Variants in GRIN2B observed in about 807,000 individuals in gnomAD.
GRIN2B encodes the protein glutamate receptor ionotropic, NMDA 2B.
Under a neutral mutation model 114.5 loss-of-function variants are expected in GRIN2B, and 5 were observed. The observed-to-expected ratio is 0.04, with a 90% CI of 0.02 to 0.09. The LOEUF is 0.09. Ranked by LOEUF, GRIN2B falls within the 10% of genes least tolerant of loss-of-function variation. The probability of loss-of-function intolerance (pLI) is 1.00; values close to 1 mark genes in which losing one functional copy is unlikely to be tolerated. For synonymous variants in GRIN2B, 787 were observed against 745.1 expected, an observed-to-expected ratio of 1.06 and a Z score of -0.92; for missense variants, 1,108 against 1,943.5, an observed-to-expected ratio of 0.57 and a Z score of 8.08.
In GRIN2B at chr12:13,563,029, G is replaced by C. The variant is rs1221144851; in HGVS notation, c.4209C>G (p.Ser1403=). 1.1e-5 allele frequency: 18 copies of C among 1,614,018 alleles called. No homozygotes were observed. Among genetic ancestry groups the C allele is most frequent in the Non-Finnish European group, 1.4e-5 (16 of 1,179,872 alleles). Residue 1403 remains serine (S), a synonymous_variant, in exon 14 of 14, where the codon TCC becomes TCG. Transcript: ENST00000609686. Reference sequence around the variant, plus strand: ...CCACCGTGGGCTGCCTGAAGAAGTAGGATTTGCTGCCATGGAGCAAGCACT... The same window carrying C: ...CCACCGTGGGCTGCCTGAAGAAGTACGATTTGCTGCCATGGAGCAAGCACT... ...DDQCLLHGSK[S]YFFRQPTVAG...
At chr12:13,625,791 A>AT (rs1402153820) in intron 5 of GRIN2B, among the ~76,000 whole-genome samples, 1 of 152,204 alleles carries the variant, frequency 6.6e-6, no homozygotes, top group Non-Finnish European at 1.5e-5. Flanking sequence ...AGGAATAAAA[A>AT]TGCCAGTACC....
intron 4 of GRIN2B, among the ~76,000 whole-genome samples, chr12:13,727,247 T>C (rs1241587409): frequency 1.1e-4 from 16 of 152,306 alleles, no homozygotes; most frequent in Admixed American, 1.0e-3. Flanking sequence ...GGGTGTGGAC[T>C]GCCATGCAAG....
chr12:13,942,731 T>C (rs1013540458), intron 2 of GRIN2B, among the ~76,000 whole-genome samples: 3 of 152,156 alleles, frequency 2.0e-5, no homozygotes, highest in African/African-American at 7.2e-5. Flanking sequence ...TTCAAATTAG[T>C]GGGAGTTTAG....
In GRIN2B at chr12:13,894,486, G is replaced by C. The variant is rs78837858; in HGVS notation, c.-18-28260C>G. Among the ~76,000 whole-genome samples, 577 of 152,110 alleles carry C rather than the reference G, an allele frequency of 3.8e-3. 2 individuals are homozygous for C. The highest frequency in any genetic ancestry group is 0.014 in the Middle Eastern group (4 of 294). ...AATTTTAAAAAGAGCACCAAAAAACGGTGTGATTTCATCTATTTTAAAATG... is the reference window on the plus strand; with the variant it reads ...AATTTTAAAAAGAGCACCAAAAAACCGTGTGATTTCATCTATTTTAAAATG... On this transcript the variant is annotated intron_variant, in intron 2 of 13. Coordinates refer to ENST00000609686, the MANE Select transcript of GRIN2B (RefSeq NM_000834.5).
intron 2 of GRIN2B, among the ~76,000 whole-genome samples, chr12:13,871,137 CTAAGACA>C (rs1865898776): frequency 6.6e-6 from 1 of 151,946 alleles, no homozygotes; most frequent in South Asian, 2.1e-4. Flanking sequence ...ATCTTATTAA[CTAAGACA>C]TAAAAGATTT....
chr12:13,604,100 T>A (rs997652287), intron 10 of GRIN2B, among the ~76,000 whole-genome samples: 2 of 152,226 alleles, frequency 1.3e-5, no homozygotes, highest in African/African-American at 4.8e-5. Flanking sequence ...GTGAGAAATA[T>A]GAGAATGCAT....
In GRIN2B at chr12:13,562,135, C is replaced by T. The variant is rs1948553359; in HGVS notation, c.*648G>A. On this transcript the variant is annotated 3_prime_UTR_variant, in exon 14 of 14. Transcript: ENST00000609686. ...TTTCCAGTTTGTTCAAGAATCCACT[C>T]TGCCACCAATGACCTTTTGTTCTGT... 1.3e-5 allele frequency: 2 copies of T among 152,612 alleles called. No homozygotes were observed. Among genetic ancestry groups the T allele is most frequent in the African/African-American group, 2.4e-5 (1 of 41,444 alleles). The allele number at this position is 152,612 out of a possible 1,614,324, so 9.5% of individuals were successfully genotyped here. A position where few individuals can be genotyped will look rare whatever the true frequency, so the allele number is the denominator to read the frequency against.
rs538660134 is a variant in GRIN2B, at chr12:13,566,805, C to T, written c.2598+220G>A. Among the ~76,000 whole-genome samples, 3 of 152,294 alleles carry T rather than the reference C, an allele frequency of 2.0e-5. No homozygotes were observed. In the South Asian group the frequency reaches 6.2e-4, roughly 32 times the overall value. On this transcript the variant is annotated intron_variant, in intron 13 of 13. Transcript: ENST00000609686. ...TTACAGAGAACCAACTGCCCAAATC[C>T]CACACAGAAAGCTGTTTCTTGAAGG...
intron 5 of GRIN2B, among the ~76,000 whole-genome samples, chr12:13,672,476 G>T (rs1950031051): frequency 6.6e-6 from 1 of 152,120 alleles, no homozygotes; most frequent in Non-Finnish European, 1.5e-5. Context: ...GGCGTCTTGA[G>T]GATGATGTCC....
chr12:13,573,566 A>T (rs1948734005), intron 10 of GRIN2B, among the ~76,000 whole-genome samples: 1 of 125,580 alleles, frequency 8.0e-6, no homozygotes, highest in Non-Finnish European at 1.8e-5. Context: ...CCACTCTCTA[A>T]GCTTCTTATT....
chr12:13,779,854 CGGTAATAATGAT>C (rs1864074953), intron 3 of GRIN2B, among the ~76,000 whole-genome samples: 1 of 152,116 alleles, frequency 6.6e-6, no homozygotes, highest in Admixed American at 6.5e-5. Context: ...ATCTGTCAAA[CGGTAATAATGAT>C]AGAACACACG....
chr12:13,607,409 AATATATAAT>A (rs1949292640), intron 10 of GRIN2B, among the ~76,000 whole-genome samples: 1 of 59,564 alleles, frequency 1.7e-5, no homozygotes, highest in Non-Finnish European at 2.7e-5. Flanking sequence ...TAATATATAA[AATATATAAT>A]ATATATTATA....
At chr12:13,816,434 A>G (rs1864825115) in intron 3 of GRIN2B, among the ~76,000 whole-genome samples, 1 of 152,188 alleles carries the variant, frequency 6.6e-6, no homozygotes, top group East Asian at 1.9e-4. Context: ...CCATTTTCCC[A>G]TACTTAAAAG....
chr12:13,820,068 T>C (rs1864904995), intron 3 of GRIN2B, among the ~76,000 whole-genome samples: 2 of 152,178 alleles, frequency 1.3e-5, no homozygotes, highest in African/African-American at 4.8e-5. Context: ...CCCTTATCTC[T>C]GATCAACTAA....
At chr12:13,962,186 T>G (rs531140195) in intron 2 of GRIN2B, among the ~76,000 whole-genome samples, 28 of 151,866 alleles carry the variant, frequency 1.8e-4, no homozygotes, top group South Asian at 6.3e-4. Context: ...GGCAGCTGCT[T>G]CTTCTTCCAG....
chr12:13,909,702 G>A (rs1214148927), intron 2 of GRIN2B, among the ~76,000 whole-genome samples: 1 of 152,170 alleles, frequency 6.6e-6, no homozygotes, highest in African/African-American at 2.4e-5. Flanking sequence ...GGATAAGAAA[G>A]TGCCTTAAGG....
chr12:13,706,769 A>C (rs928976803), intron 4 of GRIN2B, among the ~76,000 whole-genome samples: 1 of 152,146 alleles, frequency 6.6e-6, no homozygotes, highest in African/African-American at 2.4e-5. Context: ...ACACAGCTAC[A>C]GGGACAAAAC....
Position 13,565,630 on chromosome 12 carries a change from A to T in GRIN2B, c.2599-991T>A, listed in dbSNP as rs371602162. The stretch of plus-strand genomic sequence containing the variant: ...GTTCCCTGCCTGGAAAGGTGGACAA[A>T]CTTGGAACTTTTCTCCCTGGCTAGG... On this transcript the variant is annotated intron_variant, in intron 13 of 13. Transcript: ENST00000609686. Among the ~76,000 whole-genome samples, 48 of 152,180 alleles carry T rather than the reference A, an allele frequency of 3.2e-4. 1 individual carries two copies. Among genetic ancestry groups the T allele is most frequent in the African/African-American group, 1.1e-3 (47 of 41,450 alleles).
intron 2 of GRIN2B, among the ~76,000 whole-genome samples, chr12:13,959,760 T>C (rs1179425069): frequency 3.1e-5 from 3 of 95,664 alleles, no homozygotes; most frequent in African/African-American, 8.9e-5. Context: ...TCTTTCTTTT[T>C]TTCTTTTTCT....
Sources: gnomAD v4.1 joint callset for allele counts (sites outside exome capture counted in the v4.1 genomes callset) on GRCh38, gnomAD v4.1.1 for gene constraint, MANE v1.5 for transcripts, NCBI Gene and HGNC (gene_info 2026-07-23, HGNC 2026-07-21) for gene names.